Variants in CACNB4 observed in about 807,000 individuals in gnomAD.
The protein encoded by CACNB4 is calcium voltage-gated channel auxiliary subunit beta 4, also known as voltage-dependent L-type calcium channel subunit beta-4.
A neutral mutation model predicts 71.2 loss-of-function variants in CACNB4; 32 were observed. That is an observed-to-expected ratio of 0.45 (90% CI 0.34 to 0.60). CACNB4 has a LOEUF of 0.60. Among genes scored for constraint, CACNB4 ranks in the 20% least tolerant of loss-of-function variants. CACNB4 has a pLI of 0.01. For missense variants in CACNB4, 464 were observed against 647.9 expected, an observed-to-expected ratio of 0.72 and a Z score of 3.08; for synonymous variants, 231 against 236.9, an observed-to-expected ratio of 0.97 and a Z score of 0.23.
chr2:152,043,735 G>A (rs1392194564), intron 2 of CACNB4, among the ~76,000 whole-genome samples: 1 of 152,132 alleles, frequency 6.6e-6, no homozygotes, highest in Admixed American at 6.5e-5. Flanking sequence ...TTTGTGGCAA[G>A]ATGTCTCAAA....
intron 2 of CACNB4, among the ~76,000 whole-genome samples, chr2:152,085,824 AAAAAC>A (rs996407130): frequency 1.5e-5 from 2 of 134,308 alleles, no homozygotes; most frequent in African/African-American, 5.1e-5. Flanking sequence ...AAAAAAAAAA[AAAAAC>A]AAACAAACAA....
chr2:151,860,670 G>T, intron 10 of CACNB4, 41 bp downstream of exon 10: 1 of 1,354,294 alleles, frequency 7.4e-7, no homozygotes, highest in Non-Finnish European at 1.1e-6. Context: ...AGCCCGGTCT[G>T]TAAGCACAGC....
At chr2:151,985,723 T>C (rs957557487) in intron 2 of CACNB4, among the ~76,000 whole-genome samples, 7 of 151,810 alleles carry the variant, frequency 4.6e-5, no homozygotes, top group Non-Finnish European at 8.8e-5. Flanking sequence ...TATATAATGC[T>C]ACGTATTTTC....
At chr2:151,883,688 G>A in intron 2 of CACNB4, 1 of 353,986 alleles carries the variant, frequency 2.8e-6, no homozygotes. Flanking sequence ...TGAAACGTTA[G>A]TTTTCATCCA....
intron 2 of CACNB4, among the ~76,000 whole-genome samples, chr2:152,037,900 G>C (rs753882458): frequency 6.6e-6 from 1 of 152,222 alleles, no homozygotes; most frequent in Admixed American, 6.5e-5. Flanking sequence ...AACTGCTACA[G>C]CAGGGAGCTG....
At chr2:151,979,878 G>A (rs1351603712) in intron 2 of CACNB4, among the ~76,000 whole-genome samples, 1 of 152,134 alleles carries the variant, frequency 6.6e-6, no homozygotes, top group Admixed American at 6.5e-5. Flanking sequence ...AGCTTCAGCA[G>A]GAGTGGGAGG....
Position 151,872,451 on chromosome 2 carries a change from T to C in CACNB4, c.564A>G (p.Val188=), listed in dbSNP as rs1203308728. Residue 188 remains valine (V), a synonymous_variant, in exon 6 of 14, where the codon GTA becomes GTG. Transcript: ENST00000539935. ...TGGGAGTTGCTCGGAATGTCCCAGA[T>C]ACCATTTCTCCAAGACTTGAAGAAG... ...GNSSSSLGEM[V]SGTFRATPTS... 5 of 1,606,484 alleles carry C rather than the reference T, an allele frequency of 3.1e-6. No individual in the cohort carries two copies. The highest frequency in any genetic ancestry group is 1.7e-4 in the Middle Eastern group (1 of 6,052).
At chr2:151,877,600 T>C (rs1346943145) in intron 4 of CACNB4, among the ~76,000 whole-genome samples, 1 of 152,246 alleles carries the variant, frequency 6.6e-6, no homozygotes, top group Non-Finnish European at 1.5e-5. Flanking sequence ...ATACTATCTG[T>C]GGTCTAATCT....
chr2:151,881,192 A>G (rs2099847732), intron 3 of CACNB4, among the ~76,000 whole-genome samples: 1 of 152,178 alleles, frequency 6.6e-6, no homozygotes, highest in Admixed American at 6.5e-5. Flanking sequence ...GGGATAGACA[A>G]AGGCAGGGGA....
At chr2:151,906,627 C>G (rs922005097) in intron 2 of CACNB4, among the ~76,000 whole-genome samples, 3 of 152,110 alleles carry the variant, frequency 2.0e-5, no homozygotes, top group African/African-American at 7.2e-5. Flanking sequence ...TTTTGCTGTC[C>G]TACTTTCATC....
intron 9 of CACNB4, chr2:151,868,225 G>T (rs1252129520): frequency 6.6e-6 from 1 of 152,036 alleles, no homozygotes; most frequent in African/African-American, 2.4e-5. Flanking sequence ...GCATTTAGTG[G>T]ATTCTCATAA....
chr2:152,085,907 A>C (rs189410682), intron 2 of CACNB4, among the ~76,000 whole-genome samples: 1 of 152,110 alleles, frequency 6.6e-6, no homozygotes, highest in East Asian at 1.9e-4. Context: ...TTTATATTAC[A>C]TTTATTATAC....
At chr2:151,855,473 A>G (rs1409323664) in intron 10 of CACNB4, 98 bp from the exon 11 acceptor site, 1 of 861,602 alleles carries the variant, frequency 1.2e-6, no homozygotes, top group African/African-American at 1.7e-5. Flanking sequence ...GGTCTACATT[A>G]CAAAATAAAA....
chr2:151,908,382 TA>T (rs1487597554), intron 2 of CACNB4, among the ~76,000 whole-genome samples: 1 of 152,168 alleles, frequency 6.6e-6, no homozygotes, highest in Non-Finnish European at 1.5e-5. Flanking sequence ...TGCTTGATGA[TA>T]AAGAGAGGAT....
chr2:151,900,983 CTTTCTTTCTTTTTTTTTTTT>C (rs1335803384), intron 2 of CACNB4, among the ~76,000 whole-genome samples: 2 of 20,584 alleles, frequency 9.7e-5, no homozygotes, highest in Non-Finnish European at 3.2e-4. Flanking sequence ...TCTTTTCTTT[CTTTCTTTCTTTTTTTTTTTT>C]TTTTTTTTGA....
intron 2 of CACNB4, among the ~76,000 whole-genome samples, chr2:151,899,543 A>C (rs958358196): frequency 3.3e-5 from 5 of 152,218 alleles, no homozygotes; most frequent in African/African-American, 1.2e-4. Context: ...TTAATTGTTT[A>C]GTTTTAACTT....
chr2:151,888,602 G>A (rs907809022), intron 2 of CACNB4, among the ~76,000 whole-genome samples: 2 of 152,066 alleles, frequency 1.3e-5, no homozygotes, highest in Admixed American at 1.3e-4. Flanking sequence ...TGATCATACT[G>A]GAACAGAATC....
rs1435776301 is a variant in CACNB4, at chr2:152,053,520, GA to G, written c.147+44809del. On this transcript the variant is annotated intron_variant, in intron 2 of 13. Transcript: ENST00000539935. ...CCCTGGGTTCTGTGATCTGCTCTAG[GA>G]ATTTTTTTTTTTTTTTTTTTGAAAC... 7.5e-3 allele frequency among the ~76,000 whole-genome samples: 872 copies of G among 116,808 alleles called. 10 individuals are homozygous for G. The highest frequency in any genetic ancestry group is 0.025 in the African/African-American group (837 of 33,230). The allele number at this position is 116,808 out of a possible 152,430, so 76.6% of individuals were successfully genotyped here.
At chr2:151,862,614 T>C (rs1019554517) in intron 9 of CACNB4, among the ~76,000 whole-genome samples, 1 of 152,196 alleles carries the variant, frequency 6.6e-6, no homozygotes, top group African/African-American at 2.4e-5. Context: ...CATGTCTGCA[T>C]TTCTGTTTTC....
Sources: gnomAD v4.1 joint callset for allele counts (sites outside exome capture counted in the v4.1 genomes callset) on GRCh38, gnomAD v4.1.1 for gene constraint, MANE v1.5 for transcripts, NCBI Gene and HGNC (gene_info 2026-07-23, HGNC 2026-07-21) for gene names.